SPATS2: variants seen among roughly 807,000 people sequenced by gnomAD.
SPATS2 encodes spermatogenesis-associated serine-rich protein 2.
A neutral mutation model predicts 63.7 loss-of-function variants in SPATS2; 38 were observed. The ratio of observed to expected loss-of-function variants is 0.60; its 90% CI spans 0.46 to 0.78. The LOEUF is 0.78. Ranked by LOEUF, SPATS2 falls within the 30% of genes least tolerant of loss-of-function variation. The pLI, the probability that SPATS2 is intolerant of heterozygous loss-of-function variation, is 0.00. For missense variants in SPATS2, 588 were observed against 666.2 expected (o/e 0.88, Z 1.29); for synonymous variants, 207 against 232.9 (o/e 0.89, Z 1.01).
At chr12:49,481,596 T>C (rs1488486259) in intron 3 of SPATS2, among the ~76,000 whole-genome samples, 1 of 150,618 alleles carries the variant, frequency 6.6e-6, no homozygotes, top group Admixed American at 6.6e-5. Context: ...GCCTCCCCAG[T>C]AGCTGGAATT....
At chr12:49,423,029 TTC>T (rs1161463667) in intron 2 of SPATS2, among the ~76,000 whole-genome samples, 2 of 152,164 alleles carry the variant, frequency 1.3e-5, no homozygotes, top group African/African-American at 4.8e-5. Context: ...AGTATTACCT[TTC>T]TCTGTTTTAT....
intron 2 of SPATS2, among the ~76,000 whole-genome samples, chr12:49,401,671 T>C (rs1240761513): frequency 1.3e-5 from 2 of 152,186 alleles, no homozygotes; most frequent in Non-Finnish European, 1.5e-5. Flanking sequence ...TTCTTTTTCT[T>C]TTCTTTTTTA....
intron 2 of SPATS2, among the ~76,000 whole-genome samples, chr12:49,395,570 G>A (rs191397829): frequency 3.3e-5 from 5 of 150,790 alleles, no homozygotes; most frequent in Non-Finnish European, 5.9e-5. Context: ...GATTACAGGC[G>A]CCCATCACCA....
At chr12:49,441,440 C>T (rs12299282) in intron 2 of SPATS2, among the ~76,000 whole-genome samples, 44,855 of 152,046 alleles carry the variant, frequency 0.3, 8,952 homozygotes, top group African/African-American at 0.57. Flanking sequence ...AAATAGCTTC[C>T]TATTTTCTCC....
intron 2 of SPATS2, among the ~76,000 whole-genome samples, chr12:49,433,624 T>G (rs1247235037): frequency 6.6e-6 from 1 of 151,324 alleles, no homozygotes; most frequent in African/African-American, 2.4e-5. Flanking sequence ...TTGCCTATTG[T>G]ACAGTTGGGT....
At chr12:49,486,307 G>A (rs1051510464) in intron 4 of SPATS2, 5 of 429,208 alleles carry the variant, frequency 1.2e-5, no homozygotes, top group Admixed American at 2.5e-5. Flanking sequence ...CCGGGTTCAA[G>A]TGATTCTCCT....
upstream of SPATS2, chr12:49,367,283 C>T: frequency 2.9e-6 from 1 of 350,508 alleles, no homozygotes; most frequent in Non-Finnish European, 5.1e-6. Context: ...GGCTGGCTGG[C>T]TGGCGCGCAC....
chr12:49,521,502 G>T (rs148634376), intron 11 of SPATS2, among the ~76,000 whole-genome samples: 1 of 152,006 alleles, frequency 6.6e-6, no homozygotes, highest in African/African-American at 2.4e-5. Flanking sequence ...TTCAACTCTC[G>T]GGGAGAAGCC....
chr12:49,463,690 A>G (rs1945861627), intron 3 of SPATS2: 1 of 152,232 alleles, frequency 6.6e-6, no homozygotes, highest in South Asian at 2.1e-4. Context: ...CACTGACTTT[A>G]TCAACTTGGT....
At chr12:49,374,024 T>C (rs1944048094) in intron 2 of SPATS2, among the ~76,000 whole-genome samples, 1 of 151,936 alleles carries the variant, frequency 6.6e-6, no homozygotes, top group African/African-American at 2.4e-5. Flanking sequence ...AGTTTGAGAT[T>C]GTAGTGAGCT....
chr12:49,508,445 T>G (rs1003148845), intron 9 of SPATS2, among the ~76,000 whole-genome samples: 2 of 152,136 alleles, frequency 1.3e-5, no homozygotes, highest in East Asian at 3.9e-4. Flanking sequence ...TGACCTCAGG[T>G]GATCCGCCTG....
At chr12:49,482,306 C>T (rs1049142237) in intron 3 of SPATS2, among the ~76,000 whole-genome samples, 13 of 152,146 alleles carry the variant, frequency 8.5e-5, no homozygotes, top group African/African-American at 1.7e-4. Flanking sequence ...CAGGAGATTC[C>T]GAGGAAGGGA....
intron 3 of SPATS2, among the ~76,000 whole-genome samples, chr12:49,464,627 TAAAAAAA>T (rs562743662): frequency 9.3e-6 from 1 of 107,262 alleles, no homozygotes; most frequent in Non-Finnish European, 1.9e-5. Context: ...AACTCCATCT[TAAAAAAA>T]AAAAAAAAAA....
chr12:49,437,373 C>T (rs1278214542), intron 2 of SPATS2, among the ~76,000 whole-genome samples: 1 of 151,794 alleles, frequency 6.6e-6, no homozygotes, highest in African/African-American at 2.4e-5. Context: ...AGGCTCCTCA[C>T]ATCCCAGACG....
chr12:49,398,972 T>C (rs1019520849), intron 2 of SPATS2, among the ~76,000 whole-genome samples: 1 of 152,236 alleles, frequency 6.6e-6, no homozygotes. Context: ...TGTTTTAGCA[T>C]GCTTTGTCTC....
chr12:49,500,790 A>G (rs945995442), intron 9 of SPATS2, among the ~76,000 whole-genome samples: 2 of 152,068 alleles, frequency 1.3e-5, no homozygotes, highest in Non-Finnish European at 2.9e-5. Flanking sequence ...AAAAGAAAAA[A>G]AAAAGTCTCC....
intron 10 of SPATS2, 73 bp downstream of exon 10, chr12:49,514,686 C>T: frequency 1.5e-6 from 2 of 1,354,368 alleles, no homozygotes; most frequent in Non-Finnish European, 2.1e-6. Flanking sequence ...ACCCTTATAA[C>T]AAAAGTTCCA....
At chr12:49,404,385 G>A (rs1200757028) in intron 2 of SPATS2, among the ~76,000 whole-genome samples, 1 of 150,828 alleles carries the variant, frequency 6.6e-6, no homozygotes, top group African/African-American at 2.4e-5. Flanking sequence ...CTCCTGGGCC[G>A]AAGCGATCCT....
At chr12:49,375,993 G>A (rs2073665875) in intron 2 of SPATS2, among the ~76,000 whole-genome samples, 1 of 151,028 alleles carries the variant, frequency 6.6e-6, no homozygotes, top group Non-Finnish European at 1.5e-5. Context: ...AATAGAGACA[G>A]GGTCCAGGCT....
Sources: allele counts gnomAD v4.1 joint callset (sites outside exome capture counted in the v4.1 genomes callset), GRCh38; gene constraint gnomAD v4.1.1; transcripts MANE v1.5; gene names NCBI Gene and HGNC (gene_info 2026-07-23, HGNC 2026-07-21).